CRISPLD2: variants seen among roughly 807,000 people sequenced by gnomAD.
CRISPLD2 encodes the protein cysteine rich secretory protein LCCL domain containing 2, also known as cysteine-rich secretory protein LCCL domain-containing 2.
A neutral mutation model predicts 71.1 loss-of-function variants in CRISPLD2; 47 were observed. The ratio of observed to expected loss-of-function variants is 0.66; its 90% confidence interval spans 0.52 to 0.84. The LOEUF is 0.84. Among genes scored for constraint, CRISPLD2 ranks in the 40% least tolerant of loss-of-function variants. The pLI, the probability that CRISPLD2 is intolerant of heterozygous loss-of-function variation, is 0.00. For synonymous variants in CRISPLD2, 317 were observed against 250.1 expected (o/e 1.27, Z -2.52); for missense variants, 830 against 651.1 (o/e 1.27, Z -2.99).
At chr16:84,848,460 T>TAAAA (rs33922205) in intron 3 of CRISPLD2, among the ~76,000 whole-genome samples, 1 of 144,946 alleles carries the variant, frequency 6.9e-6, no homozygotes, top group Non-Finnish European at 1.5e-5. Flanking sequence ...CCCTAGTTAT[T>TAAAA]AAAAAAAAAA....
intron 6 of CRISPLD2, among the ~76,000 whole-genome samples, chr16:84,856,243 C>T (rs571847872): frequency 2.6e-5 from 4 of 152,264 alleles, no homozygotes; most frequent in Admixed American, 2.6e-4. Context: ...CATGGTAATA[C>T]TAAGAGATGC....
At chr16:84,905,358 G>C (rs556828844) in intron 14 of CRISPLD2, among the ~76,000 whole-genome samples, 5 of 152,074 alleles carry the variant, frequency 3.3e-5, no homozygotes, top group Non-Finnish European at 5.9e-5. Flanking sequence ...ACTTAGAAAG[G>C]TTGAGTTTAT....
intron 1 of CRISPLD2, among the ~76,000 whole-genome samples, chr16:84,826,665 A>C (rs1246062294): frequency 6.6e-6 from 1 of 152,186 alleles, no homozygotes; most frequent in Non-Finnish European, 1.5e-5. Context: ...GGGACTGAGA[A>C]GGTATTTTCA....
At chr16:84,830,848 G>T (rs921988689) in intron 1 of CRISPLD2, among the ~76,000 whole-genome samples, 1 of 152,220 alleles carries the variant, frequency 6.6e-6, no homozygotes, top group Non-Finnish European at 1.5e-5. Flanking sequence ...TGGAAAGGCT[G>T]CGTGACCGTG....
At chr16:84,867,429 G>C (rs1370105858) in intron 7 of CRISPLD2, among the ~76,000 whole-genome samples, 1 of 152,190 alleles carries the variant, frequency 6.6e-6, no homozygotes, top group African/African-American at 2.4e-5. Context: ...CCAGGTCCTG[G>C]GTCTGGACTC....
At chr16:84,897,507 A>G (rs73253458) in intron 14 of CRISPLD2, among the ~76,000 whole-genome samples, 90 of 152,322 alleles carry the variant, frequency 5.9e-4, no homozygotes, top group African/African-American at 1.9e-3. Context: ...TAAGATCTTC[A>G]TAGCACTCAA....
chr16:84,873,833 T>C, intron 10 of CRISPLD2, 87 bp from the exon 11 acceptor site: 1 of 1,225,768 alleles, frequency 8.2e-7, no homozygotes, highest in East Asian at 2.4e-5. Flanking sequence ...GCAAATAAGA[T>C]AAGTATAGGA....
At chr16:84,829,029 C>A (rs1400614623) in intron 1 of CRISPLD2, 1 of 151,944 alleles carries the variant, frequency 6.6e-6, no homozygotes, top group Non-Finnish European at 1.5e-5. Context: ...GAGCTGAGAT[C>A]TTACCACTGC....
In CRISPLD2 at chr16:84,893,169, C is replaced by G. The variant is rs914853503; in HGVS notation, c.1439+3806C>G. Among the ~76,000 whole-genome samples the G allele has an allele frequency of 1.6e-4, 25 of 152,090 alleles. No homozygotes were observed. The South Asian group carries it at 5.2e-3, about 32-fold the overall frequency. Reference sequence around the variant, plus strand: ...GCACTGGGGACACTGCTCCCCCAGTCCCCAGCAGGGTCACCTTGGGCAGTC... The same window carrying G: ...GCACTGGGGACACTGCTCCCCCAGTGCCCAGCAGGGTCACCTTGGGCAGTC... On this transcript the variant is annotated intron_variant, in intron 14 of 14. Coordinates refer to ENST00000262424, the MANE Select transcript of CRISPLD2 (RefSeq NM_031476.4).
At chr16:84,889,398 C>G in intron 14 of CRISPLD2, 35 bp downstream of exon 14, 1 of 1,581,716 alleles carries the variant, frequency 6.3e-7, no homozygotes. Context: ...GACACCCAAT[C>G]CCGGCTGCTA....
intron 2 of CRISPLD2, 77 bp downstream of exon 2, chr16:84,838,812 A>G (rs572300591): frequency 6.5e-7 from 1 of 1,534,440 alleles, no homozygotes; most frequent in East Asian, 2.4e-5. Context: ...TTCCCCAGCC[A>G]GCTCTGTTCC....
chr16:84,838,729 G>A lies in CRISPLD2; in HGVS notation c.234G>A (p.Glu78=), dbSNP rs747113042. The change falls in exon 2 of 15, where the codon GAG becomes GAA. Residue 78 remains glutamate (E), a synonymous_variant. Transcript: ENST00000262424. The part of the protein sequence containing the change: ...GQVQPQASNM[E]YMTWDDELEK... ...TGCAGCCTCAGGCCTCCAACATGGA[G>A]TACATGGTGAGCGCCGGCTCCGGCC... 2.9e-5 allele frequency: 46 copies of A among 1,613,066 alleles called. No homozygotes were observed. The highest frequency in any genetic ancestry group is 3.8e-5 in the Non-Finnish European group (45 of 1,179,938).
intron 14 of CRISPLD2, among the ~76,000 whole-genome samples, chr16:84,896,836 T>C (rs1171597788): frequency 6.6e-6 from 1 of 152,226 alleles, no homozygotes; most frequent in Non-Finnish European, 1.5e-5. Flanking sequence ...ATTACACTTT[T>C]TAAAAGCCAG....
intron 5 of CRISPLD2, 104 bp from the exon 6 acceptor site, chr16:84,854,625 G>A (rs1352253525): frequency 2.5e-6 from 2 of 800,394 alleles, no homozygotes; most frequent in African/African-American, 3.4e-5. Flanking sequence ...CCCCTGACCT[G>A]TCAGTGGCGG....
intron 12 of CRISPLD2, 39 bp downstream of exon 12, chr16:84,877,549 T>C: frequency 6.2e-7 from 1 of 1,602,436 alleles, no homozygotes. Flanking sequence ...CTATGGAAGA[T>C]GTTAGAAGTA....
intron 14 of CRISPLD2, among the ~76,000 whole-genome samples, chr16:84,900,931 T>TC (rs1453899539): frequency 6.6e-6 from 1 of 151,260 alleles, no homozygotes; most frequent in Non-Finnish European, 1.5e-5. Flanking sequence ...GCACCCGTGG[T>TC]CCCAGCTACT....
chr16:84,821,365 G>C (rs1420491155), intron 1 of CRISPLD2, among the ~76,000 whole-genome samples: 1 of 152,196 alleles, frequency 6.6e-6, no homozygotes, highest in Non-Finnish European at 1.5e-5. Context: ...AGAAGGGGTG[G>C]GTGTGTGACT....
chr16:84,860,852 C>A (rs1917360036), intron 6 of CRISPLD2, among the ~76,000 whole-genome samples: 1 of 152,186 alleles, frequency 6.6e-6, no homozygotes, highest in Non-Finnish European at 1.5e-5. Context: ...TCAGCTCTTT[C>A]TCTACAGGAG....
chr16:84,841,678 C>T (rs1394414660), intron 2 of CRISPLD2, among the ~76,000 whole-genome samples: 2 of 152,016 alleles, frequency 1.3e-5, no homozygotes, highest in Non-Finnish European at 2.9e-5. Context: ...TCACTGCAAC[C>T]CCCGACCCCT....
Sources: allele counts gnomAD v4.1 joint callset (sites outside exome capture counted in the v4.1 genomes callset), GRCh38; gene constraint gnomAD v4.1.1; transcripts MANE v1.5; gene names NCBI Gene and HGNC (gene_info 2026-07-23, HGNC 2026-07-21).